Variants in SLC35F2 observed in about 807,000 individuals in gnomAD.
The protein encoded by SLC35F2 is queuine/queuosine transporter SLC35F2.
A neutral mutation model predicts 38.1 loss-of-function variants in SLC35F2; 25 were observed. That is an observed-to-expected ratio of 0.66 (90% CI 0.48 to 0.92). The LOEUF (loss-of-function observed/expected upper bound fraction) is 0.92. Among genes scored for constraint, SLC35F2 ranks in the 40% least tolerant of loss-of-function variants. SLC35F2 has a pLI of 0.00. For missense variants in SLC35F2, 409 were observed against 452.9 expected (o/e 0.90, Z 0.88); for synonymous variants, 173 against 181.7 (o/e 0.95, Z 0.38).
intron 1 of SLC35F2, among the ~76,000 whole-genome samples, chr11:107,825,469 T>C (rs1488336330): frequency 6.6e-6 from 1 of 151,646 alleles, no homozygotes; most frequent in Non-Finnish European, 1.5e-5. Flanking sequence ...CCTCCTGGGT[T>C]CAAGTGATTC....
At chr11:107,825,048 G>A (rs1224918006) in intron 1 of SLC35F2, among the ~76,000 whole-genome samples, 1 of 152,036 alleles carries the variant, frequency 6.6e-6, no homozygotes. Context: ...TACCAAATTA[G>A]ACAGTGAAGC....
intron 1 of SLC35F2, among the ~76,000 whole-genome samples, chr11:107,843,863 AAAAAAATAT>A (rs1355425006): frequency 9.5e-4 from 32 of 33,700 alleles, no homozygotes; most frequent in African/African-American, 2.9e-3. Context: ...AAAAAAAAAA[AAAAAAATAT>A]ATATATATAT....
intron 1 of SLC35F2, among the ~76,000 whole-genome samples, chr11:107,819,549 T>C (rs1859637487): frequency 6.6e-6 from 1 of 152,296 alleles, no homozygotes; most frequent in Non-Finnish European, 1.5e-5. Context: ...GAAGGAGTCA[T>C]GGTTTGCATT....
intron 1 of SLC35F2, among the ~76,000 whole-genome samples, chr11:107,824,874 T>C (rs1468418493): frequency 6.6e-6 from 1 of 152,208 alleles, no homozygotes; most frequent in Non-Finnish European, 1.5e-5. Context: ...TATGCAGCCA[T>C]TGAGTGTTTG....
intron 1 of SLC35F2, among the ~76,000 whole-genome samples, chr11:107,842,792 T>C (rs1419665410): frequency 2.0e-5 from 3 of 152,228 alleles, no homozygotes; most frequent in African/African-American, 7.2e-5. Flanking sequence ...CTTCTAGATA[T>C]ATGTATATGT....
chr11:107,821,473 G>C, intron 1 of SLC35F2: 1 of 985,254 alleles, frequency 1.0e-6, no homozygotes, highest in Non-Finnish European at 1.2e-6. Flanking sequence ...GCGGGGAGGG[G>C]GTAGGAAATT....
At chr11:107,847,466 T>G (rs570029045) in intron 1 of SLC35F2, among the ~76,000 whole-genome samples, 3 of 152,298 alleles carry the variant, frequency 2.0e-5, no homozygotes, top group African/African-American at 7.2e-5. Context: ...TGAAAGCTAT[T>G]CAGAAATAGC....
Position 107,858,747 on chromosome 11 carries a change from C to A in SLC35F2, c.21G>T (p.Ala7=), listed in dbSNP as rs1456319332. The change falls in exon 1 of 8, where the codon GCG becomes GCT. Residue 7 remains alanine, a synonymous_variant. Coordinates refer to ENST00000525815, the MANE Select transcript of SLC35F2 (RefSeq NM_017515.5). Reference sequence around the variant, plus strand: ...CGAGGGGCTCTGGGGCGCCGGGGCCCGCTGGCGAGTCTGCCTCCATCGGCG... The same window carrying A: ...CGAGGGGCTCTGGGGCGCCGGGGCCAGCTGGCGAGTCTGCCTCCATCGGCG... MEADSP[A]GPGAPEPLAE... is the part of the protein sequence containing the mutation. 2.4e-6 allele frequency: 3 copies of A among 1,275,756 alleles called. No homozygotes were observed. The highest frequency in any genetic ancestry group is 2.9e-5 in the East Asian group (1 of 33,938). 79.0% of individuals were successfully genotyped at this position (1,275,756 alleles called of 1,614,324 possible).
At chr11:107,809,104 TCA>T (rs1186266181) in intron 3 of SLC35F2, among the ~76,000 whole-genome samples, 5 of 152,238 alleles carry the variant, frequency 3.3e-5, no homozygotes, top group Admixed American at 1.3e-4. Context: ...GACGAAATGA[TCA>T]CACAGTTTCC....
At chr11:107,828,398 C>T (rs1859787576) in intron 1 of SLC35F2, among the ~76,000 whole-genome samples, 1 of 148,350 alleles carries the variant, frequency 6.7e-6, no homozygotes, top group South Asian at 2.1e-4. Flanking sequence ...CGCACCACTG[C>T]ACTCCAGCCT....
intron 7 of SLC35F2, among the ~76,000 whole-genome samples, chr11:107,799,074 G>A (rs1009621518): frequency 5.3e-5 from 8 of 152,020 alleles, no homozygotes; most frequent in African/African-American, 7.2e-5. Flanking sequence ...AGACTCTGTC[G>A]CAAACAAAAC....
chr11:107,811,752 T>C lies in SLC35F2; in HGVS notation c.329A>G (p.Lys110Arg), dbSNP rs1319710276. 6.2e-7 allele frequency: 1 copy of C among 1,613,806 alleles called. No homozygotes were observed. The highest frequency in any genetic ancestry group is 1.3e-5 in the African/African-American group (1 of 74,932). ...ATCTGCTAGTCCCAGCAGGATGTAC[T>C]TCCACCATTTTCTTTTCAAGATTAC... Reference protein sequence around the residue: ...LLVILKRKWWKYILLGLADVE... With the variant: ...LLVILKRKWWRYILLGLADVE... The change falls in exon 3 of 8, where the codon AAG (lysine) becomes AGG (arginine). Residue 110 changes from lysine (K) to arginine (R), a missense_variant. Lys to Arg is a conservative substitution (Grantham distance 26, BLOSUM62 2). Coordinates refer to ENST00000525815, the MANE Select transcript of SLC35F2 (RefSeq NM_017515.5).
chr11:107,828,378 G>A (rs1859787244), intron 1 of SLC35F2, among the ~76,000 whole-genome samples: 1 of 144,988 alleles, frequency 6.9e-6, no homozygotes, highest in Non-Finnish European at 1.5e-5. Flanking sequence ...AGGTTGCAGT[G>A]AACTGAGATC....
rs200694682 is a variant in SLC35F2, at chr11:107,802,242, A to T, written c.939+759T>A. On this transcript the variant is annotated intron_variant, in intron 7 of 7. Coordinates refer to ENST00000525815, the MANE Select transcript of SLC35F2 (RefSeq NM_017515.5). Reference sequence around the variant, plus strand: ...AACAGAGTGAGACTCCATCTCAAAAAAAATAAATAAATAATAAAATAAAAT... The same window carrying T: ...AACAGAGTGAGACTCCATCTCAAAATAAATAAATAAATAATAAAATAAAAT... 4.9e-3 allele frequency among the ~76,000 whole-genome samples: 730 copies of T among 147,978 alleles called. 11 individuals carry two copies. The highest frequency in any genetic ancestry group is 0.018 in the African/African-American group (693 of 39,184).
intron 3 of SLC35F2, chr11:107,810,311 G>T: frequency 1.0e-6 from 1 of 985,316 alleles, no homozygotes; most frequent in Non-Finnish European, 1.2e-6. Context: ...TTGAAAGAAG[G>T]CATGAACTTC....
At chr11:107,849,167 C>T (rs1213571620) in intron 1 of SLC35F2, among the ~76,000 whole-genome samples, 1 of 152,076 alleles carries the variant, frequency 6.6e-6, no homozygotes, top group African/African-American at 2.4e-5. Flanking sequence ...AAGTAGGGTG[C>T]CTGATACACA....
chr11:107,830,283 T>A (rs1859817842), intron 1 of SLC35F2, among the ~76,000 whole-genome samples: 1 of 152,052 alleles, frequency 6.6e-6, no homozygotes, highest in South Asian at 2.1e-4. Flanking sequence ...AAAAACATTA[T>A]CCTAAGAAGA....
At chr11:107,843,858 A>AAT (rs1565440630) in intron 1 of SLC35F2, among the ~76,000 whole-genome samples, 1 of 39,322 alleles carries the variant, frequency 2.5e-5, no homozygotes, top group African/African-American at 7.9e-5. Flanking sequence ...AAAAAAAAAA[A>AAT]AAAAAAAAAA....
chr11:107,842,257 C>CAGAAA (rs1860023839), intron 1 of SLC35F2, among the ~76,000 whole-genome samples: 1 of 37,908 alleles, frequency 2.6e-5, no homozygotes, highest in Non-Finnish European at 4.2e-5. Flanking sequence ...CTCCGTCTCA[C>CAGAAA]AAAAAAAAAA....
Sources: gnomAD v4.1 joint callset for allele counts (sites outside exome capture counted in the v4.1 genomes callset) on GRCh38, gnomAD v4.1.1 for gene constraint, MANE v1.5 for transcripts, NCBI Gene and HGNC (gene_info 2026-07-23, HGNC 2026-07-21) for gene names.